The following CMTM8 variants were observed in gnomAD, a reference collection of about 807,000 sequenced individuals.
CMTM8 encodes CKLF like MARVEL transmembrane domain containing 8, also known as CKLF-like MARVEL transmembrane domain-containing protein 8.
Under a neutral mutation model 18.6 loss-of-function variants are expected in CMTM8, and 12 were observed. The ratio of observed to expected loss-of-function variants is 0.65; its 90% confidence interval spans 0.41 to 1.05. The LOEUF is 1.05. CMTM8 is among the 50% of genes least tolerant of loss of function. The pLI is 0.00. For synonymous variants in CMTM8, 87 were observed against 90.6 expected (o/e 0.96, Z 0.23); for missense variants, 217 against 227.2 (o/e 0.95, Z 0.29).
intron 2 of CMTM8, among the ~76,000 whole-genome samples, chr3:32,365,280 G>A (rs192289117): frequency 4.0e-5 from 6 of 150,430 alleles, no homozygotes; most frequent in Non-Finnish European, 7.4e-5. Flanking sequence ...TGCATAGCTG[G>A]GTAAAAATAA....
At chr3:32,329,472 A>G (rs926504581) in intron 1 of CMTM8, among the ~76,000 whole-genome samples, 1 of 152,250 alleles carries the variant, frequency 6.6e-6, no homozygotes, top group Non-Finnish European at 1.5e-5. Context: ...ATGGTTCAAC[A>G]TGAAGACTGA....
At chr3:32,341,142 G>A (rs1001218791) in intron 1 of CMTM8, among the ~76,000 whole-genome samples, 5 of 152,184 alleles carry the variant, frequency 3.3e-5, no homozygotes, top group Non-Finnish European at 5.9e-5. Flanking sequence ...AGGCCTTGTC[G>A]TGATCAGCCC....
intron 1 of CMTM8, chr3:32,260,278 GT>G: frequency 1.1e-6 from 1 of 947,514 alleles, no homozygotes. Context: ...CCAATAAAAA[GT>G]TCAGAGGTCA....
chr3:32,259,272 G>C (rs956647928), intron 1 of CMTM8: 4 of 640,978 alleles, frequency 6.2e-6, no homozygotes, highest in Admixed American at 3.9e-5. Context: ...TGAACTGGAG[G>C]CTGGAGAGCA....
intron 1 of CMTM8, among the ~76,000 whole-genome samples, chr3:32,329,717 G>A (rs886977742): frequency 1.4e-4 from 22 of 152,344 alleles, no homozygotes; most frequent in African/African-American, 5.3e-4. Context: ...GGGCAAGGAT[G>A]TCTACTCTGA....
At chr3:32,250,913 T>C (rs906488033) in intron 1 of CMTM8, among the ~76,000 whole-genome samples, 1 of 152,176 alleles carries the variant, frequency 6.6e-6, no homozygotes, top group South Asian at 2.1e-4. Context: ...TTCTATATCC[T>C]TTCTGTGGTA....
Position 32,254,949 on chromosome 3 carries a change from C to G in CMTM8, c.147+15830C>G, listed in dbSNP as rs1257678404. ...CCACCATCCCTAGTCAGCTACTAAT[C>G]TACTGTCTGTCTCTATAAATTTGCC... On this transcript the variant is annotated intron_variant, in intron 1 of 3. Coordinates refer to ENST00000307526, the MANE Select transcript of CMTM8 (RefSeq NM_178868.5). Among the ~76,000 whole-genome samples, 5 of 152,220 alleles carry G rather than the reference C, an allele frequency of 3.3e-5. No individual in the cohort carries two copies. The East Asian group carries it at 9.6e-4, about 29-fold the overall frequency.
Position 32,239,044 on chromosome 3 carries a change from C to T in CMTM8, c.72C>T (p.Ser24=), listed in dbSNP as rs546263049. ...TTASSFAENF[S]TSSSSFAYDR... Reference sequence around the variant, plus strand: ...CCAGCTCCTTCGCAGAGAACTTCTCCACCAGCAGCAGCAGCTTCGCCTACG... The same window carrying T: ...CCAGCTCCTTCGCAGAGAACTTCTCTACCAGCAGCAGCAGCTTCGCCTACG... The change falls in exon 1 of 4, where the codon TCC becomes TCT. Residue 24 remains serine (S), a synonymous_variant. Transcript: ENST00000307526. 6.3e-7 allele frequency: 1 copy of T among 1,588,962 alleles called. No individual in the cohort carries two copies. Among genetic ancestry groups the T allele is most frequent in the South Asian group, 1.2e-5 (1 of 86,818 alleles).
intron 1 of CMTM8, among the ~76,000 whole-genome samples, chr3:32,297,818 G>T (rs1340583494): frequency 1.3e-5 from 2 of 152,000 alleles, no homozygotes; most frequent in Non-Finnish European, 2.9e-5. Flanking sequence ...GTCTGTGGGT[G>T]GGAAAATAAG....
At chr3:32,343,859 C>T (rs1021656944) in intron 1 of CMTM8, among the ~76,000 whole-genome samples, 1 of 152,178 alleles carries the variant, frequency 6.6e-6, no homozygotes, top group Non-Finnish European at 1.5e-5. Flanking sequence ...GCCACCACGC[C>T]TGGCTAATTT....
At chr3:32,303,875 ATAAC>A (rs1255688925) in intron 1 of CMTM8, among the ~76,000 whole-genome samples, 2 of 152,254 alleles carry the variant, frequency 1.3e-5, no homozygotes, top group Non-Finnish European at 2.9e-5. Context: ...AAATCATTAA[ATAAC>A]TATTAAATTA....
chr3:32,333,986 T>C (rs1437869890), intron 1 of CMTM8, among the ~76,000 whole-genome samples: 1 of 151,924 alleles, frequency 6.6e-6, no homozygotes, highest in Admixed American at 6.5e-5. Context: ...TTTTCTTTTT[T>C]TTTTTCTTCA....
chr3:32,246,561 A>G (rs1033756096), intron 1 of CMTM8, among the ~76,000 whole-genome samples: 2 of 152,132 alleles, frequency 1.3e-5, no homozygotes, highest in African/African-American at 4.8e-5. Flanking sequence ...CCCAATCTGA[A>G]TGTGCCTGCT....
At chr3:32,362,660 G>C (rs765454707) in intron 2 of CMTM8, among the ~76,000 whole-genome samples, 13 of 152,202 alleles carry the variant, frequency 8.5e-5, no homozygotes, top group South Asian at 2.1e-4. Flanking sequence ...CAGCCCAGAT[G>C]TTGGGTCTTG....
chr3:32,295,111 T>A (rs1176778411), intron 1 of CMTM8, among the ~76,000 whole-genome samples: 1 of 151,998 alleles, frequency 6.6e-6, no homozygotes, highest in Non-Finnish European at 1.5e-5. Flanking sequence ...GAATGGTGAT[T>A]TATTCAGCAA....
intron 1 of CMTM8, among the ~76,000 whole-genome samples, chr3:32,283,621 G>A (rs1702637278): frequency 1.3e-5 from 2 of 152,148 alleles, no homozygotes. Context: ...CTCCTACATA[G>A]CAGGATGTTT....
chr3:32,356,792 G>C (rs1356485981), intron 1 of CMTM8, among the ~76,000 whole-genome samples: 1 of 152,134 alleles, frequency 6.6e-6, no homozygotes, highest in African/African-American at 2.4e-5. Context: ...CATGGATGTT[G>C]TTTCTCACCA....
chr3:32,280,088 G>T (rs1702583087), intron 1 of CMTM8, among the ~76,000 whole-genome samples: 1 of 152,068 alleles, frequency 6.6e-6, no homozygotes. Context: ...TGGTAACCAA[G>T]CACTTCGTAG....
At chr3:32,268,110 T>C (rs1174576173) in intron 1 of CMTM8, among the ~76,000 whole-genome samples, 1 of 152,158 alleles carries the variant, frequency 6.6e-6, no homozygotes, top group African/African-American at 2.4e-5. Flanking sequence ...ACCCAAAGGA[T>C]TATAAATCAT....
Sources: gnomAD v4.1 joint callset for allele counts (sites outside exome capture counted in the v4.1 genomes callset) on GRCh38, gnomAD v4.1.1 for gene constraint, MANE v1.5 for transcripts, NCBI Gene and HGNC (gene_info 2026-07-23, HGNC 2026-07-21) for gene names.